The following MAP7D3 variants were observed in gnomAD, a reference collection of about 807,000 sequenced individuals.
The protein encoded by MAP7D3 is MAP7 domain containing 3.
MAP7D3 carries 45 observed loss-of-function variants against 62.2 expected under a neutral mutation model. That is an observed-to-expected ratio of 0.72 (90% CI 0.57 to 0.93). The LOEUF (loss-of-function observed/expected upper bound fraction) is 0.93, where lower values mean the gene tolerates loss of function less well. Ranked by LOEUF, MAP7D3 falls within the 40% of genes least tolerant of loss-of-function variation. MAP7D3 has a pLI of 0.00. For synonymous variants in MAP7D3, 288 were observed against 248.8 expected (o/e 1.16, Z -1.48); for missense variants, 711 against 683.1 (o/e 1.04, Z -0.45).
intron 1 of MAP7D3, among the ~76,000 whole-genome samples, chrX:136,247,652 A>G (rs2074463654): frequency 9.4e-6 from 1 of 106,948 alleles, no homozygotes; most frequent in Admixed American, 1.0e-4. Context: ...ACCTAGCTTA[A>G]TTTGAGGATT....
chrX:136,231,606 T>TG lies in MAP7D3; in HGVS notation c.1350dup (p.Lys451GlnfsTer5), dbSNP rs767298685. ...TCCATGCTTGCTTCAAGGGATGTCTTGGGGGATGCTTTCACCATCGCCTCA... is the reference window on the plus strand; with the variant it reads ...TCCATGCTTGCTTCAAGGGATGTCTTGGGGGGATGCTTTCACCATCGCCTCA... On this transcript the variant is annotated frameshift_variant, in exon 8 of 19. Coordinates refer to ENST00000316077, the MANE Select transcript of MAP7D3 (RefSeq NM_024597.4). LOFTEE classifies it high-confidence loss of function. 1 of 1,208,743 alleles carries TG rather than the reference T, an allele frequency of 8.3e-7. No homozygotes were observed. Among genetic ancestry groups the TG allele is most frequent in the Non-Finnish European group, 1.1e-6 (1 of 894,753 alleles).
rs923342717 is a variant in MAP7D3 at position 136,237,525 on chromosome X, T to C, written c.641-1186A>G. ...CATTGTCAATATGGATTTTATTTCCTAGAAATCATTAATTATAGCATTCAT... is the reference window on the plus strand; with the variant it reads ...CATTGTCAATATGGATTTTATTTCCCAGAAATCATTAATTATAGCATTCAT... On this transcript the variant is annotated intron_variant, in intron 6 of 18. Coordinates refer to ENST00000316077, the MANE Select transcript of MAP7D3 (RefSeq NM_024597.4). Among the ~76,000 whole-genome samples the C allele has an allele frequency of 5.5e-4, 62 of 112,440 alleles. 1 individual carries two copies. The highest frequency in any genetic ancestry group is 2.1e-4 in the Non-Finnish European group (11 of 53,243).
intron 6 of MAP7D3, among the ~76,000 whole-genome samples, chrX:136,239,476 T>C (rs2074364767): frequency 8.9e-6 from 1 of 112,089 alleles, no homozygotes; most frequent in African/African-American, 3.2e-5. Context: ...AACTTAAATA[T>C]CATGATCCAT....
At chrX:136,238,840 A>C (rs1464268321) in intron 6 of MAP7D3, among the ~76,000 whole-genome samples, 1 of 111,729 alleles carries the variant, frequency 9.0e-6, no homozygotes, top group African/African-American at 3.3e-5. Flanking sequence ...GCAAAAATGG[A>C]AATCTTTTCC....
chrX:136,224,776 T>C (rs1283131090), intron 14 of MAP7D3, 51 bp downstream of exon 14: 17 of 852,410 alleles, frequency 2.0e-5, no homozygotes, highest in Middle Eastern at 2.7e-4. Context: ...TCGGCAATAA[T>C]GTGAAACAAG....
In MAP7D3 at chrX:136,232,116, T is replaced by C; in HGVS notation, c.841A>G (p.Ile281Val). The C allele has an allele frequency of 8.3e-7, 1 of 1,208,719 alleles. No homozygotes were observed. The highest frequency in any genetic ancestry group is 1.1e-6 in the Non-Finnish European group (1 of 892,552). The stretch of plus-strand genomic sequence containing the variant: ...TCTTCTACTTTTGTTTGAGGAGGTA[T>C]TTTCATTGTCGACATGGGAAACATA... ...AVMFPMSTMK[I>V]PPQTKVEESP... Residue 281 changes from isoleucine (I) to valine (V), a missense_variant, in exon 8 of 19, where the codon ATA becomes GTA. Coordinates refer to ENST00000316077, the MANE Select transcript of MAP7D3 (RefSeq NM_024597.4).
At chrX:136,251,202 C>A in intron 1 of MAP7D3, 87 bp downstream of exon 1, 1 of 830,516 alleles carries the variant, frequency 1.2e-6, no homozygotes, top group Non-Finnish European at 1.7e-6. Flanking sequence ...GTGGCGCCCG[C>A]TGCGCCGCTC....
At position 136,244,797 on chromosome X, in the gene MAP7D3, T is replaced by C; in HGVS notation, c.254-2A>G. 8.5e-7 allele frequency: 1 copy of C among 1,179,691 alleles called. No individual in the cohort carries two copies. Among genetic ancestry groups the C allele is most frequent in the Non-Finnish European group, 1.1e-6 (1 of 876,591 alleles). On this transcript the variant is annotated splice_acceptor_variant, in intron 3 of 18. Transcript: ENST00000316077. LOFTEE classifies it high-confidence loss of function. ...CAAGTAGTTGTGTTTCTTTATTGGC[T>C]GAAATATTCCAAATACATTTTCAAG...
intron 6 of MAP7D3, among the ~76,000 whole-genome samples, chrX:136,239,484 C>G (rs1361210244): frequency 1.8e-5 from 2 of 111,903 alleles, no homozygotes; most frequent in African/African-American, 6.5e-5. Flanking sequence ...TATCATGATC[C>G]ATCTATCAAA....
intron 16 of MAP7D3, among the ~76,000 whole-genome samples, chrX:136,219,957 C>T (rs759833820): frequency 1.1e-4 from 12 of 111,755 alleles, no homozygotes; most frequent in Admixed American, 3.8e-4. Context: ...GTCAAGGATG[C>T]GGCCAGTGAG....
At chrX:136,254,500 G>T (rs1040486231), upstream of MAP7D3, among the ~76,000 whole-genome samples, 2 of 111,722 alleles carry the variant, frequency 1.8e-5, no homozygotes, top group African/African-American at 6.5e-5. Context: ...TCTTTTCAGT[G>T]TTTAGAGCCT....
At position 136,241,219 on chromosome X, in the gene MAP7D3, T is replaced by C; in HGVS notation, c.476A>G (p.Tyr159Cys). Reference protein sequence around the residue: ...TLERRRLADDYQQKRWSWGGS... With the variant: ...TLERRRLADDCQQKRWSWGGS... ...TCCCCATGACCATCTTTTTTGCTGA[T>C]AATCATCAGCAAGTCTCCTCCGTTC... The change falls in exon 5 of 19, where the codon TAT (tyrosine) becomes TGT (cysteine). Residue 159 changes from tyrosine (Y) to cysteine (C), a missense_variant. Coordinates refer to ENST00000316077, the MANE Select transcript of MAP7D3 (RefSeq NM_024597.4). 1 of 1,194,171 alleles carries C rather than the reference T, an allele frequency of 8.4e-7. No homozygotes were observed. Among genetic ancestry groups the C allele is most frequent in the African/African-American group, 1.7e-5 (1 of 57,209 alleles).
intron 7 of MAP7D3, among the ~76,000 whole-genome samples, chrX:136,232,791 C>T (rs1169845918): frequency 2.7e-5 from 3 of 111,396 alleles, no homozygotes; most frequent in South Asian, 3.8e-4. Flanking sequence ...TCCTATGAAA[C>T]GGACGAAAAT....
chrX:136,215,207 C>T (rs149252881), downstream of MAP7D3, among the ~76,000 whole-genome samples: 26 of 112,015 alleles, frequency 2.3e-4, no homozygotes, highest in East Asian at 4.2e-3. Context: ...CCTTGGGCCA[C>T]GGACTGGTGC....
chrX:136,234,892 G>A (rs774634716), intron 7 of MAP7D3, among the ~76,000 whole-genome samples: 1 of 111,446 alleles, frequency 9.0e-6, no homozygotes. Flanking sequence ...TCCATTGGAG[G>A]TCTCACAAAT....
rs1451019002 is a variant in MAP7D3, at chrX:136,228,695, T to C, written c.1814A>G (p.Glu605Gly). 5.0e-6 allele frequency: 6 copies of C among 1,204,874 alleles called. No homozygotes were observed. The highest frequency in any genetic ancestry group is 3.5e-5 in the African/African-American group (2 of 57,077). Residue 605 changes from glutamate to glycine, a missense_variant, in exon 11 of 19, where the codon GAA becomes GGA. Glu to Gly is a moderately conservative substitution (Grantham distance 98). Transcript: ENST00000316077. ...TTGTTCACGAGCAAGGCGGCGCAAT[T>C]CTGTCAAAATTTTTGTTGCCGCCTC... ...NAEAATKILT[E>G]LRRLAREQRE...
At chrX:136,227,730 C>T (rs1227361287) in intron 11 of MAP7D3, among the ~76,000 whole-genome samples, 1 of 111,031 alleles carries the variant, frequency 9.0e-6, no homozygotes. Context: ...TGAGACATGA[C>T]ATCCCCTAAA....
chrX:136,232,819 G>C (rs1033667045), intron 7 of MAP7D3, among the ~76,000 whole-genome samples: 3 of 111,647 alleles, frequency 2.7e-5, no homozygotes, highest in Middle Eastern at 4.2e-3. Context: ...TTTGGTGCCA[G>C]GTAAGATGGA....
At chrX:136,251,665 A>T, upstream of MAP7D3, 2 of 410,343 alleles carry the variant, frequency 4.9e-6, no homozygotes, top group Non-Finnish European at 6.2e-6. Context: ...CCCCCCCAAC[A>T]TTCCTTTCTT....
Sources: gnomAD v4.1 joint callset for allele counts (sites outside exome capture counted in the v4.1 genomes callset) on GRCh38, gnomAD v4.1.1 for gene constraint, MANE v1.5 for transcripts, NCBI Gene and HGNC (gene_info 2026-07-23, HGNC 2026-07-21) for gene names.